NFIA: variants seen among roughly 807,000 people sequenced by gnomAD.
The protein encoded by NFIA is nuclear factor I A.
Under a neutral mutation model 62.8 loss-of-function variants are expected in NFIA, and 8 were observed. The observed-to-expected ratio is 0.13, with a 90% CI of 0.07 to 0.23. The LOEUF (loss-of-function observed/expected upper bound fraction) is 0.23, where lower values mean the gene tolerates loss of function less well. NFIA is among the 10% of genes least tolerant of loss of function. The pLI, the probability that NFIA is intolerant of heterozygous loss-of-function variation, is 1.00. For missense variants in NFIA, 410 were observed against 642.1 expected, an observed-to-expected ratio of 0.64 and a Z score of 3.91; for synonymous variants, 235 against 238.1, an observed-to-expected ratio of 0.99 and a Z score of 0.12.
chr1:61,299,524 A>AACTG (rs1242207911), intron 3 of NFIA, among the ~76,000 whole-genome samples: 2 of 152,196 alleles, frequency 1.3e-5, no homozygotes, highest in Non-Finnish European at 2.9e-5. Context: ...TAATGGGAAG[A>AACTG]ACTGTAGATA....
At chr1:61,239,433 CATT>C (rs1388882005) in intron 2 of NFIA, among the ~76,000 whole-genome samples, 1 of 152,084 alleles carries the variant, frequency 6.6e-6, no homozygotes, top group Non-Finnish European at 1.5e-5. Context: ...TATCAGATAA[CATT>C]AAATCATTAA....
At chr1:61,404,078 A>T in intron 7 of NFIA, 26 bp from the exon 8 acceptor site, 1 of 1,611,140 alleles carries the variant, frequency 6.2e-7, no homozygotes, top group Non-Finnish European at 8.5e-7. Context: ...TTCTTTTCAT[A>T]ACCCTGATGT....
intron 2 of NFIA, among the ~76,000 whole-genome samples, chr1:61,102,938 C>G (rs1227083011): frequency 1.3e-5 from 2 of 152,172 alleles, no homozygotes; most frequent in Non-Finnish European, 2.9e-5. Flanking sequence ...TGTTTCAAGA[C>G]TTAGGAAACT....
chr1:61,361,712 A>C (rs990641230), intron 6 of NFIA, among the ~76,000 whole-genome samples: 2 of 151,950 alleles, frequency 1.3e-5, no homozygotes, highest in African/African-American at 4.8e-5. Context: ...AAATTTTAAC[A>C]TTTGAATACC....
At chr1:61,225,645 G>A (rs1157639578) in intron 2 of NFIA, among the ~76,000 whole-genome samples, 1 of 148,432 alleles carries the variant, frequency 6.7e-6, no homozygotes, top group African/African-American at 2.5e-5. Context: ...TTGCTTGTTC[G>A]TATCTACGAT....
intron 2 of NFIA, among the ~76,000 whole-genome samples, chr1:61,156,087 T>A (rs767034122): frequency 6.6e-6 from 1 of 151,802 alleles, no homozygotes; most frequent in Non-Finnish European, 1.5e-5. Flanking sequence ...TGAGCTGAGA[T>A]CATGCCATTG....
At chr1:61,316,319 T>A (rs1274644289) in intron 3 of NFIA, among the ~76,000 whole-genome samples, 1 of 152,166 alleles carries the variant, frequency 6.6e-6, no homozygotes, top group Non-Finnish European at 1.5e-5. Context: ...GAGTTTATAT[T>A]CTAATTACAG....
At chr1:61,184,147 A>AC (rs1650969386) in intron 2 of NFIA, among the ~76,000 whole-genome samples, 1 of 151,292 alleles carries the variant, frequency 6.6e-6, no homozygotes, top group Admixed American at 6.6e-5. Context: ...AAAAAACCCA[A>AC]AAAAACAAAA....
intron 2 of NFIA, among the ~76,000 whole-genome samples, chr1:61,195,637 A>T (rs1183986371): frequency 6.6e-6 from 1 of 152,186 alleles, no homozygotes; most frequent in East Asian, 1.9e-4. Context: ...GCAGATTTAT[A>T]AATTTTTTTA....
Position 61,406,542 on chromosome 1 carries a change from T to TGGGGGGGGGGGGGGGGGG in NFIA, c.1255-19_1255-18insGGGGGGGGGGGGGGGGGG. The TGGGGGGGGGGGGGGGGGG allele has an allele frequency of 3.0e-5, 37 of 1,253,784 alleles. No homozygotes were observed. Among genetic ancestry groups the TGGGGGGGGGGGGGGGGGG allele is most frequent in the East Asian group, 1.8e-4 (6 of 32,722 alleles). 77.7% of individuals were successfully genotyped at this position (1,253,784 alleles called of 1,614,324 possible). On this transcript the variant is annotated intron_variant, in intron 8 of 10. Transcript: ENST00000403491. The stretch of plus-strand genomic sequence containing the variant: ...TTCTTTTTCTTGTACGTGTGTTTTC[T>TGGGGGGGGGGGGGGGGGG]GCCCCCCCCCCCCCCACAGCCCAAT...
intron 2 of NFIA, among the ~76,000 whole-genome samples, chr1:61,256,888 A>G (rs1656433118): frequency 1.3e-5 from 2 of 152,182 alleles, no homozygotes; most frequent in South Asian, 2.1e-4. Context: ...TGCTTGTGCC[A>G]GCCTGGGACG....
At chr1:61,200,264 C>T (rs924849705) in intron 2 of NFIA, among the ~76,000 whole-genome samples, 3 of 151,046 alleles carry the variant, frequency 2.0e-5, no homozygotes, top group Non-Finnish European at 2.9e-5. Context: ...ATCACTTGAC[C>T]GCTCAGTGCC....
chr1:61,159,356 A>G (rs928708466), intron 2 of NFIA, among the ~76,000 whole-genome samples: 14 of 152,170 alleles, frequency 9.2e-5, no homozygotes, highest in African/African-American at 2.9e-4. Flanking sequence ...TTCTAGGCCT[A>G]TCTACCCCAA....
rs1286515328 is a variant in NFIA, at chr1:61,456,422, A to C, written c.*1102A>C. 1 of 152,226 alleles carries C rather than the reference A, an allele frequency of 6.6e-6. No homozygotes were observed. Among genetic ancestry groups the C allele is most frequent in the African/African-American group, 2.4e-5 (1 of 41,362 alleles). The allele number at this position is 152,226 out of a possible 1,614,324, so 9.4% of individuals were successfully genotyped here. A position where few individuals can be genotyped will look rare whatever the true frequency, so the allele number is the denominator to read the frequency against. Reference sequence around the variant, plus strand: ...AATCTAATGGTGCTTTTACCACAATATGTTAACTACATTAAATGCTAATTA... The same window carrying C: ...AATCTAATGGTGCTTTTACCACAATCTGTTAACTACATTAAATGCTAATTA... On this transcript the variant is annotated 3_prime_UTR_variant, in exon 11 of 11. Coordinates refer to ENST00000403491, the MANE Select transcript of NFIA (RefSeq NM_001134673.4).
chr1:61,218,799 G>C (rs1653815738), intron 2 of NFIA, among the ~76,000 whole-genome samples: 1 of 152,212 alleles, frequency 6.6e-6, no homozygotes, highest in South Asian at 2.1e-4. Flanking sequence ...TTGTTTGCAA[G>C]TTTTTATTAT....
intron 9 of NFIA, among the ~76,000 whole-genome samples, chr1:61,416,453 T>C (rs1480767346): frequency 6.6e-6 from 1 of 152,134 alleles, no homozygotes; most frequent in African/African-American, 2.4e-5. Flanking sequence ...AAAATAATAC[T>C]CTTTTCCCCC....
At chr1:61,082,938 GTGTC>G (rs1347852009) in intron 1 of NFIA, 120 bp downstream of exon 1, 10 of 906,840 alleles carry the variant, frequency 1.1e-5, no homozygotes, top group Non-Finnish European at 1.3e-5. Flanking sequence ...GTCTCGGTGT[GTGTC>G]TGTGTCTGCG....
At chr1:61,433,236 GTC>G (rs1053022790) in intron 10 of NFIA, among the ~76,000 whole-genome samples, 1 of 152,192 alleles carries the variant, frequency 6.6e-6, no homozygotes, top group Non-Finnish European at 1.5e-5. Context: ...GTTAGTTCAT[GTC>G]TCTGTAAAAC....
chr1:61,448,061 A>G (rs1667896479), intron 10 of NFIA, among the ~76,000 whole-genome samples: 6 of 152,098 alleles, frequency 3.9e-5, no homozygotes, highest in Admixed American at 3.9e-4. Context: ...TTTGTATTTT[A>G]TAAGAAGTCT....
Sources: allele counts gnomAD v4.1 joint callset (sites outside exome capture counted in the v4.1 genomes callset), GRCh38; gene constraint gnomAD v4.1.1; transcripts MANE v1.5; gene names NCBI Gene and HGNC (gene_info 2026-07-23, HGNC 2026-07-21).